The following MACROD2 variants were observed in gnomAD, a reference collection of about 807,000 sequenced individuals.
MACROD2 encodes ADP-ribose glycohydrolase MACROD2.
A neutral mutation model predicts 70.4 loss-of-function variants in MACROD2; 36 were observed. The ratio of observed to expected loss-of-function variants is 0.51; its 90% confidence interval spans 0.39 to 0.68. The LOEUF (loss-of-function observed/expected upper bound fraction) is 0.68. Ranked by LOEUF, MACROD2 falls within the 30% of genes least tolerant of loss-of-function variation. MACROD2 has a pLI of 0.00. For missense variants in MACROD2, 496 were observed against 538.4 expected, an observed-to-expected ratio of 0.92 and a Z score of 0.78; for synonymous variants, 172 against 178.8, an observed-to-expected ratio of 0.96 and a Z score of 0.30.
At position 15,021,256 on chromosome 20, in the gene MACROD2, ACACACCTGTGTGTGTG is replaced by A. The variant is rs2075178490; in HGVS notation, c.419-208683_419-208668del. 4.4e-4 allele frequency among the ~76,000 whole-genome samples: 37 copies of A among 83,804 alleles called. 6 individuals are homozygous for A. Among genetic ancestry groups the A allele is most frequent in the Non-Finnish European group, 6.9e-4 (26 of 37,736 alleles). 55.0% of individuals were successfully genotyped at this position (83,804 alleles called of 152,430 possible). A position where few individuals can be genotyped will look rare whatever the true frequency, so the allele number is the denominator to read the frequency against. ...TACACACACCTGTGTGTATGTATAC[ACACACCTGTGTGTGTG>A]TATACGCACACCTGTGTGTGTGTAT... On this transcript the variant is annotated intron_variant, in intron 5 of 17. Coordinates refer to ENST00000684519, the MANE Select transcript of MACROD2 (RefSeq NM_001351661.2).
At chr20:15,137,605 T>A (rs905467378) in intron 5 of MACROD2, among the ~76,000 whole-genome samples, 48 of 150,336 alleles carry the variant, frequency 3.2e-4, no homozygotes, top group African/African-American at 1.0e-3. Context: ...ATATACCTAA[T>A]GCTACATGAT....
intron 8 of MACROD2, among the ~76,000 whole-genome samples, chr20:15,827,689 A>C (rs527853612): frequency 6.6e-6 from 1 of 152,344 alleles, no homozygotes; most frequent in Admixed American, 6.5e-5. Flanking sequence ...GGAATCAATC[A>C]TCTAGAAAGT....
At chr20:15,681,807 G>T (rs2050163470) in intron 8 of MACROD2, among the ~76,000 whole-genome samples, 1 of 152,196 alleles carries the variant, frequency 6.6e-6, no homozygotes, top group African/African-American at 2.4e-5. Context: ...GAATAAAAAT[G>T]GAGTTACAAG....
intron 5 of MACROD2, among the ~76,000 whole-genome samples, chr20:15,107,668 G>T (rs1167623039): frequency 6.6e-6 from 1 of 151,824 alleles, no homozygotes; most frequent in Non-Finnish European, 1.5e-5. Flanking sequence ...TACTTTTACA[G>T]AGATAATAGC....
chr20:15,828,147 G>C (rs2064017332), intron 8 of MACROD2, among the ~76,000 whole-genome samples: 1 of 152,166 alleles, frequency 6.6e-6, no homozygotes, highest in Non-Finnish European at 1.5e-5. Flanking sequence ...TCACAAAAAT[G>C]ATAAGGATAT....
intron 8 of MACROD2, among the ~76,000 whole-genome samples, chr20:15,696,531 T>G (rs2050374261): frequency 6.6e-6 from 1 of 152,118 alleles, no homozygotes. Context: ...CTTTCCTTGT[T>G]TTGGTATTAG....
At chr20:14,994,506 A>T (rs751904150) in intron 5 of MACROD2, among the ~76,000 whole-genome samples, 3 of 152,140 alleles carry the variant, frequency 2.0e-5, no homozygotes, top group African/African-American at 7.2e-5. Context: ...CCCAGTCAAA[A>T]AGCAGAGCAG....
chr20:14,021,371 G>C (rs1412884233), intron 2 of MACROD2, among the ~76,000 whole-genome samples: 3 of 152,140 alleles, frequency 2.0e-5, no homozygotes, highest in Admixed American at 2.0e-4. Flanking sequence ...TGTCCCAGGG[G>C]TCTGTGAGTC....
At chr20:15,797,689 A>C (rs1397017735) in intron 8 of MACROD2, among the ~76,000 whole-genome samples, 1 of 152,200 alleles carries the variant, frequency 6.6e-6, no homozygotes, top group Non-Finnish European at 1.5e-5. Context: ...TCTACCAACT[A>C]AGGGTTGGGA....
chr20:15,498,439 G>A (rs1240487600), intron 7 of MACROD2, among the ~76,000 whole-genome samples: 1 of 152,058 alleles, frequency 6.6e-6, no homozygotes, highest in African/African-American at 2.4e-5. Context: ...GGAGACTCTG[G>A]ACCAGAAGAT....
chr20:14,327,273 A>G (rs1197696832), intron 3 of MACROD2: 1 of 1,613,848 alleles, frequency 6.2e-7, no homozygotes, highest in Non-Finnish European at 8.5e-7. Context: ...AGTTTTTCAA[A>G]TCTGAAGGAA....
At chr20:15,782,018 A>T (rs1218442505) in intron 8 of MACROD2, among the ~76,000 whole-genome samples, 1 of 152,176 alleles carries the variant, frequency 6.6e-6, no homozygotes, top group Non-Finnish European at 1.5e-5. Flanking sequence ...TTAATTATTT[A>T]AAATAGATCT....
intron 6 of MACROD2, among the ~76,000 whole-genome samples, chr20:15,340,130 CTTTTT>C (rs869080087): frequency 2.0e-4 from 8 of 39,312 alleles, no homozygotes; most frequent in African/African-American, 8.8e-4. Context: ...TTCTTTCTTT[CTTTTT>C]TTTTTTTTTT....
intron 3 of MACROD2, among the ~76,000 whole-genome samples, chr20:14,165,592 T>C (rs931424675): frequency 1.3e-5 from 2 of 152,208 alleles, no homozygotes; most frequent in Middle Eastern, 3.2e-3. Context: ...TTCACTGACA[T>C]TCAAATTATA....
chr20:15,453,410 C>T (rs988542620), intron 7 of MACROD2, among the ~76,000 whole-genome samples: 1 of 152,080 alleles, frequency 6.6e-6, no homozygotes, highest in Non-Finnish European at 1.5e-5. Context: ...TCCTAACATT[C>T]CATTATTTTG....
intron 5 of MACROD2, among the ~76,000 whole-genome samples, chr20:15,032,072 G>A (rs1387869130): frequency 1.3e-5 from 2 of 152,200 alleles, no homozygotes; most frequent in Non-Finnish European, 2.9e-5. Context: ...GCACACACGC[G>A]GCCAGGTGGC....
chr20:15,823,275 C>CGTGTGTGTGTGTGTGT (rs11471023), intron 8 of MACROD2, among the ~76,000 whole-genome samples: 1 of 128,644 alleles, frequency 7.8e-6, no homozygotes, highest in Non-Finnish European at 1.7e-5. Flanking sequence ...GTGAGCTCTT[C>CGTGTGTGTGTGTGTGT]GTGTGTGTGT....
At chr20:15,508,160 C>G (rs2047452248) in intron 8 of MACROD2, among the ~76,000 whole-genome samples, 1 of 152,148 alleles carries the variant, frequency 6.6e-6, no homozygotes. Flanking sequence ...GTCTTCTGCA[C>G]TTGCATATAA....
At chr20:14,116,091 A>G (rs774214258) in intron 3 of MACROD2, among the ~76,000 whole-genome samples, 20 of 152,156 alleles carry the variant, frequency 1.3e-4, no homozygotes, top group African/African-American at 4.1e-4. Flanking sequence ...CTTGACAGCA[A>G]TGATAGATTT....
Sources: allele counts gnomAD v4.1 joint callset (sites outside exome capture counted in the v4.1 genomes callset), GRCh38; gene constraint gnomAD v4.1.1; transcripts MANE v1.5; gene names NCBI Gene and HGNC (gene_info 2026-07-23, HGNC 2026-07-21).